NTRK3: variants seen among roughly 807,000 people sequenced by gnomAD.
The protein encoded by NTRK3 is NT-3 growth factor receptor.
A neutral mutation model predicts 91.7 loss-of-function variants in NTRK3; 24 were observed. The ratio of observed to expected loss-of-function variants is 0.26; its 90% CI spans 0.19 to 0.37. The LOEUF (loss-of-function observed/expected upper bound fraction) is 0.37, where lower values mean the gene tolerates loss of function less well. NTRK3 is among the 10% of genes least tolerant of loss of function. The pLI is 1.00. For synonymous variants in NTRK3, 483 were observed against 404.0 expected, an observed-to-expected ratio of 1.20 and a Z score of -2.34; for missense variants, 880 against 1,068.9, an observed-to-expected ratio of 0.82 and a Z score of 2.46.
chr15:87,995,904 G>A (rs905080113), intron 14 of NTRK3, among the ~76,000 whole-genome samples: 1 of 152,134 alleles, frequency 6.6e-6, no homozygotes, highest in Non-Finnish European at 1.5e-5. Flanking sequence ...TAATTTTCAC[G>A]TGTTACAAAA....
In NTRK3 at chr15:88,235,440, G is replaced by A. The variant is rs190890604; in HGVS notation, c.248+20466C>T. Among the ~76,000 whole-genome samples the A allele has an allele frequency of 3.4e-4, 52 of 152,288 alleles. No homozygotes were observed. The highest frequency in any genetic ancestry group is 2.5e-3 in the Admixed American group (38 of 15,296). On this transcript the variant is annotated intron_variant, in intron 3 of 18. Coordinates refer to ENST00000394480, the Ensembl canonical transcript of NTRK3. This position sits in a 1 kb window ranked among gnomAD's most constrained non-coding sequence, Gnocchi z 5.2. ...TCTGAGCACTCAGCAAGCAGGACTCGCAGCTAAACCATTGTGGGAGAGAGA... is the reference window on the plus strand; with the variant it reads ...TCTGAGCACTCAGCAAGCAGGACTCACAGCTAAACCATTGTGGGAGAGAGA...
intron 13 of NTRK3, among the ~76,000 whole-genome samples, chr15:88,063,581 G>T (rs184019061): frequency 6.6e-6 from 1 of 152,168 alleles, no homozygotes; most frequent in African/African-American, 2.4e-5. Flanking sequence ...CTCATGACCC[G>T]CCTGCCTTCT....
At chr15:88,196,754 C>T (rs545934320) in intron 3 of NTRK3, among the ~76,000 whole-genome samples, 1 of 152,324 alleles carries the variant, frequency 6.6e-6, no homozygotes, top group African/African-American at 2.4e-5. Context: ...CTCATATACT[C>T]ACCCTCTGGG....
intron 14 of NTRK3, among the ~76,000 whole-genome samples, chr15:87,989,567 G>T (rs191038269): frequency 1.8e-3 from 274 of 152,046 alleles, no homozygotes; most frequent in Non-Finnish European, 3.1e-3. Flanking sequence ...CGAGTTAATG[G>T]GTGCAGCACA....
chr15:87,947,698 G>A (rs543348733), intron 14 of NTRK3, among the ~76,000 whole-genome samples: 5 of 152,068 alleles, frequency 3.3e-5, no homozygotes, highest in Non-Finnish European at 5.9e-5. Context: ...GGAGAGAAGG[G>A]GGAAGAGAAA....
At chr15:88,105,052 C>T (rs1264744089) in intron 13 of NTRK3, among the ~76,000 whole-genome samples, 1 of 152,182 alleles carries the variant, frequency 6.6e-6, no homozygotes, top group Non-Finnish European at 1.5e-5. Flanking sequence ...TTAAGAGAGG[C>T]TGTGCATGGG....
At chr15:88,184,097 AAAG>A (rs2046753043) in intron 4 of NTRK3, 125 bp downstream of exon 4, 1 of 913,028 alleles carries the variant, frequency 1.1e-6, no homozygotes, top group Non-Finnish European at 1.8e-6. Flanking sequence ...AACTCTACCA[AAAG>A]AAGACCTGGG....
chr15:88,171,542 T>G (rs1201277067), intron 5 of NTRK3, among the ~76,000 whole-genome samples: 1 of 152,180 alleles, frequency 6.6e-6, no homozygotes, highest in Non-Finnish European at 1.5e-5. Context: ...GGATCAAGGT[T>G]CTAAAATAGC....
rs1483764269 is a variant in NTRK3 at position 88,183,316 on chromosome 15, C to A, written c.395+102G>T. The A allele has an allele frequency of 3.5e-6, 4 of 1,150,390 alleles. No homozygotes were observed. In the African/African-American group the frequency reaches 6.1e-5, roughly 18 times the overall value. 71.3% of individuals were successfully genotyped at this position (1,150,390 alleles called of 1,614,324 possible). A position where few individuals can be genotyped will look rare whatever the true frequency, so the allele number is the denominator to read the frequency against. Reference sequence around the variant, plus strand: ...AAAGTTCAAAACCTTGCCCAAGAGCCCCTGGAGGCAAAAAGCCAGGTCTAG... The same window carrying A: ...AAAGTTCAAAACCTTGCCCAAGAGCACCTGGAGGCAAAAAGCCAGGTCTAG... On this transcript the variant is annotated intron_variant, in intron 5 of 18. Transcript: ENST00000394480.
chr15:87,942,860 A>G (rs1596337146), intron 14 of NTRK3, among the ~76,000 whole-genome samples: 1 of 152,250 alleles, frequency 6.6e-6, no homozygotes, highest in East Asian at 1.9e-4. Context: ...TTTCATTATT[A>G]TTGATATTAT....
intron 13 of NTRK3, among the ~76,000 whole-genome samples, chr15:88,078,776 C>T (rs1037270471): frequency 1.3e-5 from 2 of 152,226 alleles, no homozygotes; most frequent in Admixed American, 1.3e-4. Context: ...GGGGAAGCGA[C>T]ACTCCAGGCA....
intron 6 of NTRK3, among the ~76,000 whole-genome samples, chr15:88,139,895 A>C (rs2042219522): frequency 7.7e-6 from 1 of 130,232 alleles, no homozygotes; most frequent in African/African-American, 2.9e-5. Flanking sequence ...TCAGGAGCTC[A>C]TATAGGCAAA....
At chr15:88,032,998 G>A in exon 14 of NTRK3, 1 of 1,607,722 alleles carries the variant, frequency 6.2e-7, no homozygotes, top group Non-Finnish European at 8.5e-7. Context: ...TTGATGTGGT[G>A]CAGTGGGCTG....
At chr15:87,999,338 A>G (rs2075934936) in intron 14 of NTRK3, among the ~76,000 whole-genome samples, 1 of 152,236 alleles carries the variant, frequency 6.6e-6, no homozygotes, top group Non-Finnish European at 1.5e-5. Flanking sequence ...GCCCAGAGCC[A>G]GATCTCTAAG....
At chr15:87,987,504 T>A (rs531323055) in intron 14 of NTRK3, among the ~76,000 whole-genome samples, 1 of 151,262 alleles carries the variant, frequency 6.6e-6, no homozygotes, top group Non-Finnish European at 1.5e-5. Context: ...TATCTAGACA[T>A]AGATATATAT....
At chr15:88,147,569 G>A (rs2043004573) in intron 5 of NTRK3, among the ~76,000 whole-genome samples, 166 bp from the exon 6 acceptor site, 2 of 151,102 alleles carry the variant, frequency 1.3e-5, no homozygotes, top group South Asian at 4.2e-4. Context: ...TGTTAGGCTA[G>A]CGATACATCT....
At chr15:88,062,580 TA>T (rs1275823197) in intron 13 of NTRK3, among the ~76,000 whole-genome samples, 4 of 152,112 alleles carry the variant, frequency 2.6e-5, no homozygotes, top group Non-Finnish European at 5.9e-5. Flanking sequence ...AGCTACAAGG[TA>T]AAGATGGCAG....
chr15:88,246,413 G>A (rs2052830540), intron 3 of NTRK3, among the ~76,000 whole-genome samples: 1 of 152,156 alleles, frequency 6.6e-6, no homozygotes, highest in Admixed American at 6.5e-5. Flanking sequence ...AGCACTACTT[G>A]TCGTCCGGTA....
chr15:87,988,136 T>G (rs2074991847), intron 14 of NTRK3, among the ~76,000 whole-genome samples: 1 of 152,166 alleles, frequency 6.6e-6, no homozygotes, highest in Non-Finnish European at 1.5e-5. Flanking sequence ...TCATCAGTGT[T>G]AAGTCATGTG....
Sources: gnomAD v4.1 joint callset for allele counts (sites outside exome capture counted in the v4.1 genomes callset) on GRCh38, gnomAD v4.1.1 for gene constraint, Gnocchi (gnomAD v3.1) non-coding constraint, MANE v1.5 for transcripts, NCBI Gene and HGNC (gene_info 2026-07-23, HGNC 2026-07-21) for gene names.